The following MEMO1 variants were observed in gnomAD, a reference collection of about 807,000 sequenced individuals.
MEMO1 encodes the protein mediator of cell motility 1.
MEMO1 carries 6 observed loss-of-function variants against 45.2 expected under a neutral mutation model. The observed-to-expected ratio is 0.13, with a 90% CI of 0.07 to 0.26. The LOEUF is 0.26. Among genes scored for constraint, MEMO1 ranks in the 10% least tolerant of loss-of-function variants. The pLI is 1.00. For missense variants in MEMO1, 184 were observed against 370.5 expected, an observed-to-expected ratio of 0.50 and a Z score of 4.13; for synonymous variants, 78 against 124.3, an observed-to-expected ratio of 0.63 and a Z score of 2.48.
At chr2:32,004,506 A>C (rs985515361) in intron 2 of MEMO1, among the ~76,000 whole-genome samples, 2 of 152,208 alleles carry the variant, frequency 1.3e-5, no homozygotes, top group Admixed American at 6.5e-5. Flanking sequence ...ATAACTAAAA[A>C]TAAAAAGACT....
intron 6 of MEMO1, among the ~76,000 whole-genome samples, chr2:31,910,215 G>A (rs771143423): frequency 6.6e-6 from 1 of 152,074 alleles, no homozygotes; most frequent in Non-Finnish European, 1.5e-5. Context: ...CAAAAATTGA[G>A]GGAGTTTGTC....
rs371152501 is a variant in MEMO1, at chr2:31,941,263, T to C, written c.143+2039A>G. Among the ~76,000 whole-genome samples the C allele has an allele frequency of 1.7e-4, 26 of 152,260 alleles. No homozygotes were observed. In the East Asian group the frequency reaches 4.4e-3, roughly 26 times the overall value. On this transcript the variant is annotated intron_variant, in intron 3 of 9. Transcript: ENST00000404530. The stretch of plus-strand genomic sequence containing the variant: ...TCAAACACACTAAGCATACTCTTGT[T>C]CCAGAGCCTTTGTGCTCACTGTTCC...
intron 3 of MEMO1, among the ~76,000 whole-genome samples, chr2:31,936,763 C>T (rs940334688): frequency 6.6e-6 from 1 of 152,170 alleles, no homozygotes; most frequent in African/African-American, 2.4e-5. Context: ...AAGAGTCTAC[C>T]ACACATTCTA....
At chr2:31,874,212 C>CAT (rs1356055931) in intron 8 of MEMO1, among the ~76,000 whole-genome samples, 3 of 151,942 alleles carry the variant, frequency 2.0e-5, no homozygotes, top group African/African-American at 7.2e-5. Flanking sequence ...AACCTATGAC[C>CAT]ATCTCATATG....
chr2:31,895,310 T>C (rs542773642), intron 6 of MEMO1, among the ~76,000 whole-genome samples: 1 of 152,278 alleles, frequency 6.6e-6, no homozygotes, highest in Non-Finnish European at 1.5e-5. Flanking sequence ...AGAGCAGATA[T>C]TGGATTTAGC....
intron 7 of MEMO1, among the ~76,000 whole-genome samples, chr2:31,890,264 C>A (rs906550804): frequency 6.6e-6 from 1 of 152,058 alleles, no homozygotes; most frequent in Non-Finnish European, 1.5e-5. Context: ...ATCAAGGGAA[C>A]TAATTATGTA....
chr2:31,975,619 G>A (rs770000642), intron 2 of MEMO1, among the ~76,000 whole-genome samples: 7 of 152,138 alleles, frequency 4.6e-5, no homozygotes, highest in Non-Finnish European at 1.0e-4. Context: ...TTAATGATGA[G>A]CTAAGAAAGG....
At chr2:31,909,373 C>T (rs1006867219) in intron 6 of MEMO1, among the ~76,000 whole-genome samples, 1 of 152,078 alleles carries the variant, frequency 6.6e-6, no homozygotes, top group African/African-American at 2.4e-5. Flanking sequence ...AAGTCTCCAC[C>T]AAAAACCCTA....
intron 2 of MEMO1, among the ~76,000 whole-genome samples, chr2:31,957,478 A>G (rs1489832417): frequency 6.6e-6 from 1 of 152,180 alleles, no homozygotes; most frequent in African/African-American, 2.4e-5. Flanking sequence ...ACTTTTAAGA[A>G]TTGCTATTTA....
intron 2 of MEMO1, among the ~76,000 whole-genome samples, chr2:31,951,771 C>G (rs1477897578): frequency 6.6e-6 from 1 of 151,970 alleles, no homozygotes; most frequent in Non-Finnish European, 1.5e-5. Flanking sequence ...ACTTCATGAC[C>G]CAACCACCTC....
intron 2 of MEMO1, among the ~76,000 whole-genome samples, chr2:32,002,186 T>TATATATATATAC (rs753352927): frequency 8.6e-6 from 1 of 116,066 alleles, no homozygotes; most frequent in African/African-American, 3.5e-5. Context: ...TATATATATA[T>TATATATATATAC]ACACACACAC....
At chr2:31,942,957 TA>T (rs1665783020) in intron 3 of MEMO1, among the ~76,000 whole-genome samples, 2 of 152,222 alleles carry the variant, frequency 1.3e-5, no homozygotes, top group Non-Finnish European at 2.9e-5. Flanking sequence ...ACTCATTTAC[TA>T]ATAATAAACA....
chr2:31,895,928 C>T lies in MEMO1; in HGVS notation c.438-3794G>A, dbSNP rs527868080. 8.0e-3 allele frequency among the ~76,000 whole-genome samples: 1,207 copies of T among 150,738 alleles called. 15 individuals carry two copies. The highest frequency in any genetic ancestry group is 0.013 in the Non-Finnish European group (878 of 67,760). On this transcript the variant is annotated intron_variant, in intron 6 of 9. Transcript: ENST00000404530. ...CGAGATCTCAGCTCACTGTAGGCTCCGCCCCCCGGGGTTCACACCACTCTC... is the reference window on the plus strand; with the variant it reads ...CGAGATCTCAGCTCACTGTAGGCTCTGCCCCCCGGGGTTCACACCACTCTC...
At chr2:31,882,697 T>C (rs1456286956) in intron 8 of MEMO1, among the ~76,000 whole-genome samples, 1 of 152,182 alleles carries the variant, frequency 6.6e-6, no homozygotes, top group East Asian at 1.9e-4. Flanking sequence ...AGCTACATTT[T>C]GTGTATATTG....
chr2:31,886,569 C>T lies in MEMO1; in HGVS notation c.581-3107G>A, dbSNP rs148967857. The stretch of plus-strand genomic sequence containing the variant: ...AAGTACAATAAACTGATCATAAATA[C>T]ACCTTTAACTAAAAATGTATTATTG... On this transcript the variant is annotated intron_variant, in intron 7 of 9. Transcript: ENST00000404530. 5.5e-3 allele frequency among the ~76,000 whole-genome samples: 830 copies of T among 152,086 alleles called. 4 individuals carry two copies. The highest frequency in any genetic ancestry group is 8.7e-3 in the Non-Finnish European group (591 of 67,966).
intron 3 of MEMO1, among the ~76,000 whole-genome samples, chr2:31,934,008 C>T (rs1034326591): frequency 1.3e-5 from 2 of 152,306 alleles, no homozygotes; most frequent in East Asian, 3.9e-4. Flanking sequence ...ACACCTGGTT[C>T]TTGATCTTAA....
chr2:31,980,701 C>A lies in MEMO1; in HGVS notation c.61+29486G>T, dbSNP rs991046144. Among the ~76,000 whole-genome samples, 7 of 152,222 alleles carry A rather than the reference C, an allele frequency of 4.6e-5. No individual in the cohort carries two copies. The South Asian group carries it at 1.5e-3, about 32-fold the overall frequency. The stretch of plus-strand genomic sequence containing the variant: ...ATTCCCTCTAAAAGGAAAACTCTCC[C>A]ACTGAGAACGTCACGGCGTTTGGGA... On this transcript the variant is annotated intron_variant, in intron 2 of 9. Transcript: ENST00000404530.
At chr2:31,952,154 G>A (rs371411698) in intron 2 of MEMO1, among the ~76,000 whole-genome samples, 11 of 152,126 alleles carry the variant, frequency 7.2e-5, no homozygotes, top group East Asian at 3.9e-4. Context: ...AATAAAAATC[G>A]CACTGTGAAA....
intron 3 of MEMO1, among the ~76,000 whole-genome samples, chr2:31,941,932 G>A (rs976741107): frequency 2.6e-5 from 4 of 152,182 alleles, no homozygotes; most frequent in Admixed American, 6.5e-5. Flanking sequence ...GATTAAAAAC[G>A]GTTATTATAT....
Sources: gnomAD v4.1 joint callset for allele counts (sites outside exome capture counted in the v4.1 genomes callset) on GRCh38, gnomAD v4.1.1 for gene constraint, MANE v1.5 for transcripts, NCBI Gene and HGNC (gene_info 2026-07-23, HGNC 2026-07-21) for gene names.